Variants in MCF2L observed in about 807,000 individuals in gnomAD.
MCF2L encodes the protein guanine nucleotide exchange factor DBS.
In MCF2L, 97 loss-of-function variants were observed where a neutral mutation model predicts 153.4. That is an observed-to-expected ratio of 0.63 (90% CI 0.54 to 0.75). The LOEUF is 0.75. Among genes scored for constraint, MCF2L ranks in the 30% least tolerant of loss-of-function variants. MCF2L has a pLI of 0.00. For synonymous variants in MCF2L, 659 were observed against 632.2 expected (o/e 1.04, Z -0.64); for missense variants, 1,347 against 1,495.2 (o/e 0.90, Z 1.64).
intron 2 of MCF2L, among the ~76,000 whole-genome samples, chr13:112,933,490 G>A (rs1296920579): frequency 6.6e-6 from 1 of 152,232 alleles, no homozygotes; most frequent in Non-Finnish European, 1.5e-5. Flanking sequence ...CTGGGACCGT[G>A]CGCTGATGGA....
At chr13:112,918,815 G>C (rs1489412464) in intron 2 of MCF2L, among the ~76,000 whole-genome samples, 3 of 152,194 alleles carry the variant, frequency 2.0e-5, no homozygotes, top group Non-Finnish European at 4.4e-5. Context: ...AGACCTGACT[G>C]AAGCATCGGC....
intron 1 of MCF2L, among the ~76,000 whole-genome samples, chr13:112,989,091 G>T (rs77099917): frequency 2.9e-5 from 1 of 34,172 alleles, no homozygotes; most frequent in Admixed American, 2.7e-4. Context: ...CCTGAGCAGG[G>T]GATGGAGCTA....
At chr13:112,939,932 G>A (rs1163736583) in intron 2 of MCF2L, among the ~76,000 whole-genome samples, 3 of 151,564 alleles carry the variant, frequency 2.0e-5, no homozygotes, top group African/African-American at 7.3e-5. Flanking sequence ...TGGTGCCACT[G>A]CATTCCAGCC....
intron 1 of MCF2L, among the ~76,000 whole-genome samples, chr13:112,986,416 T>C (rs3011541): frequency 0.94 from 143,184 of 152,264 alleles, 67,527 homozygotes; most frequent in Non-Finnish European, 0.98. Flanking sequence ...ACGAACGGTG[T>C]GGGAGGACAC....
chr13:112,987,485 G>T (rs918287038), intron 1 of MCF2L, among the ~76,000 whole-genome samples: 1 of 152,224 alleles, frequency 6.6e-6, no homozygotes, highest in Non-Finnish European at 1.5e-5. Context: ...AGCAGAGTTG[G>T]CCTTCTGCAG....
intron 2 of MCF2L, among the ~76,000 whole-genome samples, chr13:112,937,818 T>A (rs1385324069): frequency 6.9e-4 from 2 of 2,896 alleles, no homozygotes; most frequent in East Asian, 0.018. Context: ...GTGCTCTGAG[T>A]GGTTGGTTCA....
intron 2 of MCF2L, among the ~76,000 whole-genome samples, chr13:112,944,775 C>T (rs1433320034): frequency 2.0e-5 from 3 of 152,082 alleles, no homozygotes; most frequent in African/African-American, 2.4e-5. Context: ...CGTGAGCCAC[C>T]GCGCCCGGCC....
intron 1 of MCF2L, among the ~76,000 whole-genome samples, chr13:113,006,054 A>G (rs1020906412): frequency 4.6e-5 from 7 of 152,114 alleles, no homozygotes; most frequent in Non-Finnish European, 8.8e-5. Flanking sequence ...CTCCTGTGCA[A>G]TGGGAGGCCG....
intron 2 of MCF2L, among the ~76,000 whole-genome samples, chr13:113,019,419 AC>A (rs562020091): frequency 1.8e-3 from 274 of 152,250 alleles, no homozygotes; most frequent in Middle Eastern, 3.4e-3. Context: ...TGGCTTTTTG[AC>A]ACCCAGGCTT....
In MCF2L at chr13:113,097,222, T is replaced by G; in HGVS notation, c.*363T>G. ...GCTTCCGGAGAAGTGGAGGATCCTCTGGCCAACGGCCTGAGGAGAGCGGGG... is the reference window on the plus strand; with the variant it reads ...GCTTCCGGAGAAGTGGAGGATCCTCGGGCCAACGGCCTGAGGAGAGCGGGG... On this transcript the variant is annotated 3_prime_UTR_variant, in exon 30 of 30. Coordinates refer to ENST00000535094, the MANE Select transcript of MCF2L (RefSeq NM_001112732.3). 2 of 205,602 alleles carry G rather than the reference T, an allele frequency of 9.7e-6. No homozygotes were observed. The highest frequency in any genetic ancestry group is 9.7e-6 in the Non-Finnish European group (1 of 103,010). 12.7% of individuals were successfully genotyped at this position (205,602 alleles called of 1,614,324 possible).
chr13:112,909,379 C>A, intron 2 of MCF2L: 2 of 764,264 alleles, frequency 2.6e-6, no homozygotes, highest in Non-Finnish European at 2.4e-6. Flanking sequence ...GGGTTGAAGC[C>A]AGGCTAAGGC....
At position 113,043,847 on chromosome 13, in the gene MCF2L, G is replaced by A. The variant is rs147823858; in HGVS notation, c.279-1424G>A. ...CCAGTAGCTGGGACCACAGGCATGC[G>A]CCACCACACTCAGCTAATCTTTGTA... On this transcript the variant is annotated intron_variant, in intron 3 of 29. Coordinates refer to ENST00000535094, the MANE Select transcript of MCF2L (RefSeq NM_001112732.3). 5.2e-3 allele frequency: 792 copies of A among 152,318 alleles called. 4 individuals are homozygous for A. Among genetic ancestry groups the A allele is most frequent in the African/African-American group, 0.016 (653 of 41,540 alleles). The allele number at this position is 152,318 out of a possible 1,614,324, so 9.4% of individuals were successfully genotyped here.
intron 1 of MCF2L, among the ~76,000 whole-genome samples, chr13:112,975,859 C>T (rs538743272): frequency 1.3e-5 from 2 of 152,270 alleles, no homozygotes; most frequent in Admixed American, 6.5e-5. Context: ...TGCCCACGGT[C>T]GCAGAGAGCT....
rs369043249 is a variant in MCF2L at position 112,951,427 on chromosome 13, C to T, written c.169+49056C>T. ...TGAATGTTTATATTCGTTTATTTGT[C>T]GCAGTCAAAAACTGGAAAGAACCCC... On this transcript the variant is annotated intron_variant, in intron 2 of 29. Transcript: ENST00000375608. The surrounding 1 kb of genome is among the most constrained non-coding windows in gnomAD (Gnocchi z 4.8). Among the ~76,000 whole-genome samples the T allele has an allele frequency of 5.9e-5, 9 of 152,132 alleles. No individual in the cohort carries two copies. The highest frequency in any genetic ancestry group is 2.1e-4 in the South Asian group (1 of 4,822).
Position 113,028,474 on chromosome 13 carries a change from C to G in MCF2L, c.278+3716C>G, listed in dbSNP as rs2993310. On this transcript the variant is annotated intron_variant, in intron 3 of 29. Transcript: ENST00000535094. This position sits in a 1 kb window ranked among gnomAD's most constrained non-coding sequence, Gnocchi z 5.4. ...CCAGACTCCTGCAGGACAAGACCCA[C>G]TCAGCCACCTCTGTAGATTGCGCAT... Among the ~76,000 whole-genome samples, 23,773 of 152,196 alleles carry G rather than the reference C, an allele frequency of 0.16. 2,045 individuals carry two copies. The highest frequency in any genetic ancestry group is 0.29 in the East Asian group (1,491 of 5,158).
chr13:113,079,065 C>T (rs537358853), intron 15 of MCF2L, among the ~76,000 whole-genome samples: 2 of 150,796 alleles, frequency 1.3e-5, no homozygotes, highest in African/African-American at 2.4e-5. Flanking sequence ...TCACAGGAGA[C>T]ACCACTCAAA....
At chr13:112,985,921 C>A (rs370862205) in intron 1 of MCF2L, among the ~76,000 whole-genome samples, 11 of 152,322 alleles carry the variant, frequency 7.2e-5, no homozygotes, top group African/African-American at 2.4e-4. Flanking sequence ...AGGATCGGCC[C>A]CGGCACACCG....
At chr13:113,090,016 T>G in intron 26 of MCF2L, 1 of 1,601,478 alleles carries the variant, frequency 6.2e-7, no homozygotes, top group South Asian at 1.1e-5. Context: ...CGGACCCGCC[T>G]CCGCATCGGG....
intron 1 of MCF2L, among the ~76,000 whole-genome samples, chr13:112,992,264 A>T (rs547853116): frequency 1.3e-5 from 2 of 152,338 alleles, no homozygotes; most frequent in African/African-American, 4.8e-5. Flanking sequence ...CCAAAATCCG[A>T]AACATTTCTG....
Sources: allele counts gnomAD v4.1 joint callset (sites outside exome capture counted in the v4.1 genomes callset), GRCh38; gene constraint gnomAD v4.1.1; non-coding constraint Gnocchi (gnomAD v3.1); transcripts MANE v1.5; gene names NCBI Gene and HGNC (gene_info 2026-07-23, HGNC 2026-07-21).